Variants in GLIS3 observed in about 807,000 individuals in gnomAD.
The protein encoded by GLIS3 is GLIS family zinc finger 3.
GLIS3 carries 53 observed loss-of-function variants against 78.6 expected under a neutral mutation model. The ratio of observed to expected loss-of-function variants is 0.67; its 90% CI spans 0.54 to 0.85. GLIS3 has a LOEUF of 0.85. Among genes scored for constraint, GLIS3 ranks in the 40% least tolerant of loss-of-function variants. The pLI is 0.00. For missense variants in GLIS3, 1,703 were observed against 1,231.1 expected, an observed-to-expected ratio of 1.38 and a Z score of -5.74; for synonymous variants, 684 against 509.9, an observed-to-expected ratio of 1.34 and a Z score of -4.60.
In GLIS3 at chr9:4,334,920, TTTTTTTG is replaced by T. The variant is rs1253823345; in HGVS notation, n.264+12154_264+12160del. On this transcript the variant is annotated intron_variant and non_coding_transcript_variant, in intron 2 of 4. Coordinates refer to the GLIS3 transcript ENST00000471664. ...CATTTCCACCTTTTTTTTTTTTTTT[TTTTTTTG>T]AAACGGAGTCTTGCTCTGTCACCCA... Among the ~76,000 whole-genome samples, 4 of 148,854 alleles carry T rather than the reference TTTTTTTG, an allele frequency of 2.7e-5. No homozygotes were observed. The East Asian group carries it at 7.8e-4, about 29-fold the overall frequency.
At chr9:4,295,478 T>A (rs1012911088) in intron 1 of GLIS3, among the ~76,000 whole-genome samples, 7 of 152,162 alleles carry the variant, frequency 4.6e-5, no homozygotes, top group Non-Finnish European at 8.8e-5. Context: ...TTATTTGACC[T>A]AATAAAAGGT....
chr9:4,357,298 C>T, the GLIS3 span, among the ~76,000 whole-genome samples: 1 of 152,262 alleles, frequency 6.6e-6, no homozygotes, highest in South Asian at 2.1e-4. Context: ...ATTGCCCCTC[C>T]CAAGTGTGGG....
chr9:3,985,337 AG>A (rs1819651518), intron 4 of GLIS3, among the ~76,000 whole-genome samples: 1 of 152,098 alleles, frequency 6.6e-6, no homozygotes, highest in Non-Finnish European at 1.5e-5. Flanking sequence ...TAGTAGAAAC[AG>A]GGTTTCACCG....
At chr9:3,884,207 C>T (rs1821920366) in intron 7 of GLIS3, among the ~76,000 whole-genome samples, 2 of 152,114 alleles carry the variant, frequency 1.3e-5, no homozygotes, top group Non-Finnish European at 2.9e-5. Flanking sequence ...ACAGGGCACC[C>T]TTGGGGTTAC....
chr9:4,351,894 A>T (rs1817976676), upstream of GLIS3, among the ~76,000 whole-genome samples: 1 of 152,232 alleles, frequency 6.6e-6, no homozygotes, highest in Non-Finnish European at 1.5e-5. Flanking sequence ...AGGATTCTGA[A>T]TCTGGAGAAA....
chr9:4,394,325 CTCATAATTTTAAAAAATTATTATT>C, the GLIS3 span, among the ~76,000 whole-genome samples: 1 of 151,270 alleles, frequency 6.6e-6, no homozygotes, highest in Non-Finnish European at 1.5e-5. Context: ...AAATTATTAT[CTCATAATTTTAAAAAATTATTATT>C]TAATCTTTAA....
chr9:4,297,872 C>A (rs1357971454), intron 1 of GLIS3, among the ~76,000 whole-genome samples: 1 of 152,110 alleles, frequency 6.6e-6, no homozygotes, highest in East Asian at 1.9e-4. Flanking sequence ...AGGAGGAGGG[C>A]GGCCCTTATC....
upstream of GLIS3, among the ~76,000 whole-genome samples, chr9:4,352,095 A>C (rs1253699902): frequency 6.6e-6 from 1 of 152,252 alleles, no homozygotes; most frequent in African/African-American, 2.4e-5. Flanking sequence ...AGACAGACTC[A>C]CAACTACGAT....
At chr9:4,261,484 C>G (rs1243180800) in intron 2 of GLIS3, among the ~76,000 whole-genome samples, 1 of 152,124 alleles carries the variant, frequency 6.6e-6, no homozygotes, top group Admixed American at 6.5e-5. Flanking sequence ...GGAAGAATAT[C>G]TCTATGGTAG....
chr9:4,487,448 C>T, the GLIS3 span, among the ~76,000 whole-genome samples: 1 of 152,026 alleles, frequency 6.6e-6, no homozygotes, highest in Non-Finnish European at 1.5e-5. Context: ...GAAACTGAGA[C>T]ATAAAAAATT....
At chr9:4,093,841 A>G (rs1292269766) in intron 4 of GLIS3, among the ~76,000 whole-genome samples, 2 of 152,182 alleles carry the variant, frequency 1.3e-5, no homozygotes, top group African/African-American at 2.4e-5. Flanking sequence ...TTTGGCTATG[A>G]CAAGACAAGT....
chr9:3,973,165 T>A lies in GLIS3; in HGVS notation c.1711-35976A>T, dbSNP rs149296510. ...AGGGCAAGTCTGCTAGGGTTCCAAA[T>A]GCAAATGCTGCCATTGTTCTCAGAG... On this transcript the variant is annotated intron_variant, in intron 4 of 10. Transcript: ENST00000381971. Among the ~76,000 whole-genome samples, 135 of 152,294 alleles carry A rather than the reference T, an allele frequency of 8.9e-4. 3 individuals are homozygous for A. The East Asian group carries it at 0.019, about 22-fold the overall frequency.
the GLIS3 span, among the ~76,000 whole-genome samples, chr9:4,373,722 G>A: frequency 2.0e-5 from 3 of 148,062 alleles, no homozygotes; most frequent in Non-Finnish European, 3.0e-5. Flanking sequence ...AGGCTGTAGT[G>A]CAATGGCACG....
chr9:4,289,470 G>A lies in GLIS3; in HGVS notation c.-98-2947C>T, dbSNP rs1289873509. The stretch of plus-strand genomic sequence containing the variant: ...GTTGTCTATGGGCAATACTAACCAT[G>A]AACAACAAATTTCAACATTGCATTT... On this transcript the variant is annotated intron_variant, in intron 1 of 10. Transcript: ENST00000381971. 2.0e-5 allele frequency among the ~76,000 whole-genome samples: 3 copies of A among 152,190 alleles called. No individual in the cohort carries two copies. The South Asian group carries it at 6.2e-4, about 32-fold the overall frequency.
At chr9:3,907,019 C>T (rs1823752124) in intron 6 of GLIS3, among the ~76,000 whole-genome samples, 1 of 152,154 alleles carries the variant, frequency 6.6e-6, no homozygotes, top group Admixed American at 6.5e-5. Context: ...CAGACCAGTC[C>T]ACACTGGGCC....
At chr9:4,049,854 T>C (rs1471141788) in intron 4 of GLIS3, among the ~76,000 whole-genome samples, 1 of 152,058 alleles carries the variant, frequency 6.6e-6, no homozygotes, top group Non-Finnish European at 1.5e-5. Flanking sequence ...AAAATGCTCA[T>C]CATCACTGGC....
At chr9:4,450,443 A>G in the GLIS3 span, among the ~76,000 whole-genome samples, 59 of 152,332 alleles carry the variant, frequency 3.9e-4, no homozygotes, top group African/African-American at 1.4e-3. Flanking sequence ...TATCCAGGAG[A>G]ACATCCCCAA....
At chr9:4,427,368 C>G in the GLIS3 span, among the ~76,000 whole-genome samples, 8 of 152,246 alleles carry the variant, frequency 5.3e-5, no homozygotes, top group East Asian at 1.5e-3. Context: ...ATGCCAGACA[C>G]TGTGGTAAGG....
intron 4 of GLIS3, among the ~76,000 whole-genome samples, chr9:3,964,028 G>A (rs996202330): frequency 1.3e-5 from 2 of 152,052 alleles, no homozygotes; most frequent in African/African-American, 2.4e-5. Context: ...CTGCGTCCCC[G>A]CACACTAACT....
Sources: gnomAD v4.1 joint callset for allele counts (sites outside exome capture counted in the v4.1 genomes callset) on GRCh38, gnomAD v4.1.1 for gene constraint, MANE v1.5 for transcripts, NCBI Gene and HGNC (gene_info 2026-07-23, HGNC 2026-07-21) for gene names.